The following ITGB4 variants were observed in gnomAD, a reference collection of about 807,000 sequenced individuals.
ITGB4 encodes integrin subunit beta 4.
In ITGB4, 159 loss-of-function variants were observed where a neutral mutation model predicts 207.6. That is an observed-to-expected ratio of 0.77 (90% CI 0.67 to 0.87). The LOEUF is 0.87. Ranked by LOEUF, ITGB4 falls within the 40% of genes least tolerant of loss-of-function variation. The pLI, the probability that ITGB4 is intolerant of heterozygous loss-of-function variation, is 0.00. For missense variants in ITGB4, 2,278 were observed against 2,546.8 expected (o/e 0.89, Z 2.27); for synonymous variants, 1,020 against 1,062.7 (o/e 0.96, Z 0.78).
In ITGB4 at chr17:75,727,239, G is replaced by T; in HGVS notation, c.124G>T (p.Val42Phe). ...CCCAGTGAAGAGCTGCACGGAGTGT[G>T]TCCGTGTGGATAAGGACTGCGCCTA... ...KAPVKSCTECVRVDKDCAYCT... is the reference protein window; with the variant it reads ...KAPVKSCTECFRVDKDCAYCT... The change falls in exon 3 of 40, where the codon GTC becomes TTC. Residue 42 changes from valine to phenylalanine, a missense_variant. Val to Phe is a conservative substitution (Grantham distance 50). Transcript: ENST00000200181. This position sits in a 1 kb window ranked among gnomAD's most constrained non-coding sequence, Gnocchi z 6.0. 1 of 1,614,092 alleles carries T rather than the reference G, an allele frequency of 6.2e-7. No individual in the cohort carries two copies. Among genetic ancestry groups the T allele is most frequent in the Non-Finnish European group, 8.5e-7 (1 of 1,180,002 alleles).
At chr17:75,733,048 G>A (rs926639157) in intron 12 of ITGB4, among the ~76,000 whole-genome samples, 1 of 151,644 alleles carries the variant, frequency 6.6e-6, no homozygotes, top group Non-Finnish European at 1.5e-5. Flanking sequence ...TCGCGCCACT[G>A]CACTCCAGCC....
In ITGB4 at chr17:75,729,213, T is replaced by G. The variant is rs1599223968; in HGVS notation, c.567-52T>G. 1 of 1,556,190 alleles carries G rather than the reference T, an allele frequency of 6.4e-7. No homozygotes were observed. Among genetic ancestry groups the G allele is most frequent in the Non-Finnish European group, 8.8e-7 (1 of 1,132,740 alleles). ...TTGAAACGAGCCAGGGGCACTGGGGTCTGCGGCGTCTTCCCCCTGTGACAC... is the reference window on the plus strand; with the variant it reads ...TTGAAACGAGCCAGGGGCACTGGGGGCTGCGGCGTCTTCCCCCTGTGACAC... On this transcript the variant is annotated intron_variant, in intron 6 of 39. Coordinates refer to ENST00000200181, the MANE Select transcript of ITGB4 (RefSeq NM_000213.5). The surrounding 1 kb of genome is among the most constrained non-coding windows in gnomAD (Gnocchi z 4.4).
At chr17:75,725,016 AAAG>A (rs1272006264) in intron 2 of ITGB4, among the ~76,000 whole-genome samples, 1 of 152,202 alleles carries the variant, frequency 6.6e-6, no homozygotes, top group Non-Finnish European at 1.5e-5. Flanking sequence ...TGTCTAGAGG[AAAG>A]AGGAGACACC....
chr17:75,737,332 G>T lies in ITGB4; in HGVS notation c.2001G>T (p.Val667=). ...TGGCTGTGGGTACAGCCGAGGAGGT[G>T]GTGGTGCGCTGCTCCTTCCGGGACG... is the stretch of plus-strand genomic sequence containing the variant. ...MVDELKRAEE[V]VVRCSFRDED... Residue 667 remains valine (V), a synonymous_variant, in exon 17 of 40, where the codon GTG becomes GTT. Transcript: ENST00000200181. 1 of 1,592,268 alleles carries T rather than the reference G, an allele frequency of 6.3e-7. No individual in the cohort carries two copies. The highest frequency in any genetic ancestry group is 2.3e-5 in the East Asian group (1 of 43,442).
In ITGB4 at chr17:75,757,319, T is replaced by C. The variant is rs2061540207; in HGVS notation, c.5329+9T>C. On this transcript the variant is annotated intron_variant, in intron 39 of 39. Transcript: ENST00000200181. ...CGAGCCCTTCCTAGTGGGTGAGCAC[T>C]GAGGGCTAGGGGATCCCGGCTCTCC... is the stretch of plus-strand genomic sequence containing the variant. 6.2e-7 allele frequency: 1 copy of C among 1,612,004 alleles called. No individual in the cohort carries two copies. The highest frequency in any genetic ancestry group is 1.1e-5 in the South Asian group (1 of 91,042).
chr17:75,757,541 T>G lies in ITGB4; in HGVS notation c.5455T>G (p.Phe1819Val), dbSNP rs2061549206. The G allele has an allele frequency of 1.9e-6, 3 of 1,613,166 alleles. No individual in the cohort carries two copies. Among genetic ancestry groups the G allele is most frequent in the Non-Finnish European group, 2.5e-6 (3 of 1,179,920 alleles). Residue 1819 changes from phenylalanine (F) to valine (V), a missense_variant, in exon 40 of 40, where the codon TTC (phenylalanine) becomes GTC (valine). By Grantham distance (50) the Phe-to-Val change is conservative (BLOSUM62 -1). Coordinates refer to ENST00000200181, the MANE Select transcript of ITGB4 (RefSeq NM_000213.5). ...CCTTAGCACCCACATGGACCAACAG[T>G]TCTTCCAAACTTGACCGCACCCTGC... ...GTLSTHMDQQ[F>V]FQT
chr17:75,732,168 A>G lies in ITGB4; in HGVS notation c.1383A>G (p.Lys461=). 1 of 1,614,076 alleles carries G rather than the reference A, an allele frequency of 6.2e-7. No individual in the cohort carries two copies. Among genetic ancestry groups the G allele is most frequent in the Non-Finnish European group, 8.5e-7 (1 of 1,180,014 alleles). Residue 461 remains lysine, a synonymous_variant, in exon 12 of 40, where the codon AAA becomes AAG. Transcript: ENST00000200181. The surrounding 1 kb of genome is among the most constrained non-coding windows in gnomAD (Gnocchi z 5.3). ...ICDVCTCELQ[K]EVRSARCSFN... The stretch of plus-strand genomic sequence containing the variant: ...CATGGTCTCTCTCATTCCAGCAAAA[A>G]GAGGTGCGGTCAGCTCGCTGCAGCT...
Position 75,735,977 on chromosome 17 carries a change from TC to T in ITGB4, c.1658-71del, listed in dbSNP as rs564844733. The T allele has an allele frequency of 1.2e-4, 163 of 1,414,720 alleles. 1 individual carries two copies. In the African/African-American group the frequency reaches 2.1e-3, roughly 19 times the overall value. 87.6% of individuals were successfully genotyped at this position (1,414,720 alleles called of 1,614,324 possible). On this transcript the variant is annotated intron_variant, in intron 13 of 39. Coordinates refer to ENST00000200181, the MANE Select transcript of ITGB4 (RefSeq NM_000213.5). ...CCCACAGCTCTGTTCCCACAGGCCC[TC>T]CCTGCCAGGTGGGCAGCCTGGACTA...
chr17:75,754,964 A>G, intron 34 of ITGB4, 149 bp downstream of exon 34: 4 of 1,524,046 alleles, frequency 2.6e-6, no homozygotes, highest in Non-Finnish European at 3.6e-6. Context: ...GTGCACACGC[A>G]TGCACACATG....
Position 75,727,916 on chromosome 17 carries a change from G to A in ITGB4, c.469+61G>A, listed in dbSNP as rs1418093266. The A allele has an allele frequency of 5.3e-6, 8 of 1,514,942 alleles. No individual in the cohort carries two copies. The highest frequency in any genetic ancestry group is 7.3e-6 in the Non-Finnish European group (8 of 1,096,470). The allele number at this position is 1,514,942 out of a possible 1,614,324, so 93.8% of individuals were successfully genotyped here. On this transcript the variant is annotated intron_variant, in intron 5 of 39. Coordinates refer to ENST00000200181, the MANE Select transcript of ITGB4 (RefSeq NM_000213.5). This position sits in a 1 kb window ranked among gnomAD's most constrained non-coding sequence, Gnocchi z 6.0. ...GAGGGGGACAGGTGGGCGTCTGCTT[G>A]GGAGGCCAGGACTCAGGACAGCTGC...
intron 18 of ITGB4, among the ~76,000 whole-genome samples, chr17:75,738,374 T>C (rs1026423442): frequency 6.6e-6 from 1 of 152,224 alleles, no homozygotes; most frequent in Non-Finnish European, 1.5e-5. Flanking sequence ...CGCCACAGCA[T>C]GTCCACGTGA....
At position 75,740,871 on chromosome 17, in the gene ITGB4, G is replaced by A. The variant is rs2061092721; in HGVS notation, c.2609+20G>A. The stretch of plus-strand genomic sequence containing the variant: ...GTTCCGGTGAGTCCCGGGGTGCCCG[G>A]GTTGGGTGGGGGAGCCGCTCCTACC... On this transcript the variant is annotated intron_variant, in intron 22 of 39. Coordinates refer to ENST00000200181, the MANE Select transcript of ITGB4 (RefSeq NM_000213.5). The surrounding 1 kb of genome is among the most constrained non-coding windows in gnomAD (Gnocchi z 5.9). 2 of 1,613,612 alleles carry A rather than the reference G, an allele frequency of 1.2e-6. No individual in the cohort carries two copies. The highest frequency in any genetic ancestry group is 4.5e-5 in the East Asian group (2 of 44,890).
At position 75,721,553 on chromosome 17, in the gene ITGB4, T is replaced by C. The variant is rs938151752; in HGVS notation, c.-70T>C. 6.9e-6 allele frequency: 1 copy of C among 145,042 alleles called. No individual in the cohort carries two copies. Among genetic ancestry groups the C allele is most frequent in the African/African-American group, 2.6e-5 (1 of 38,658 alleles). 9.0% of individuals were successfully genotyped at this position (145,042 alleles called of 1,614,324 possible). A position where few individuals can be genotyped will look rare whatever the true frequency, so the allele number is the denominator to read the frequency against. On this transcript the variant is annotated 5_prime_UTR_variant, in exon 1 of 40. Coordinates refer to ENST00000200181, the MANE Select transcript of ITGB4 (RefSeq NM_000213.5). ...GCAGCCCAGGCGCGGAGGGAGCGAG[T>C]CCGCCCCGAGGTAGGTCCAGGACGG... is the stretch of plus-strand genomic sequence containing the variant.
In ITGB4 at chr17:75,740,260, CCT is replaced by C. The variant is rs2061076226; in HGVS notation, c.2447-97_2447-96del. 2.3e-6 allele frequency: 3 copies of C among 1,301,914 alleles called. No homozygotes were observed. Among genetic ancestry groups the C allele is most frequent in the African/African-American group, 1.4e-5 (1 of 69,230 alleles). The allele number at this position is 1,301,914 out of a possible 1,614,324, so 80.6% of individuals were successfully genotyped here. A position where few individuals can be genotyped will look rare whatever the true frequency, so the allele number is the denominator to read the frequency against. On this transcript the variant is annotated intron_variant, in intron 20 of 39. Transcript: ENST00000200181. The surrounding 1 kb of genome is among the most constrained non-coding windows in gnomAD (Gnocchi z 5.9). ...TGCGTGGCCTGCTGGCCAGGCATCC[CCT>C]GATCCTAGCATGGTTGCTGGAGGGA...
chr17:75,740,013 C>A lies in ITGB4; in HGVS notation c.2388C>A (p.Asn796Lys). Reference sequence around the variant, plus strand: ...ACGTGGTCCGCTGGAAGGTCACCAACAACATGCAGCGGCCTGGCTTTGCCA... The same window carrying A: ...ACGTGGTCCGCTGGAAGGTCACCAAAAACATGCAGCGGCCTGGCTTTGCCA... ...GRDVVRWKVTNNMQRPGFATH... is the reference protein window; with the variant it reads ...GRDVVRWKVTKNMQRPGFATH... The change falls in exon 20 of 40, where the codon AAC (asparagine) becomes AAA (lysine). Residue 796 changes from asparagine (N) to lysine (K), a missense_variant. Transcript: ENST00000200181. The surrounding 1 kb of genome is among the most constrained non-coding windows in gnomAD (Gnocchi z 5.9). The A allele has an allele frequency of 1.2e-6, 2 of 1,613,162 alleles. No homozygotes were observed. Among genetic ancestry groups the A allele is most frequent in the Non-Finnish European group, 1.7e-6 (2 of 1,180,018 alleles).
chr17:75,740,075 A>G lies in ITGB4; in HGVS notation c.2446+4A>G, dbSNP rs1309502465. The G allele has an allele frequency of 5.6e-6, 9 of 1,609,706 alleles. No homozygotes were observed. In the South Asian group the frequency reaches 8.8e-5, roughly 16 times the overall value. On this transcript the variant is annotated splice_donor_region_variant and intron_variant, in intron 20 of 39. Transcript: ENST00000200181. The surrounding 1 kb of genome is among the most constrained non-coding windows in gnomAD (Gnocchi z 5.9). Reference sequence around the variant, plus strand: ...AGCATCAACCCCACAGAGCTGGGTGAGGGCGGGGCTGGGCGCCACAGCTCT... The same window carrying G: ...AGCATCAACCCCACAGAGCTGGGTGGGGGCGGGGCTGGGCGCCACAGCTCT...
At position 75,742,308 on chromosome 17, in the gene ITGB4, C is replaced by A; in HGVS notation, c.2634-33C>A. The A allele has an allele frequency of 6.2e-7, 1 of 1,612,950 alleles. No homozygotes were observed. ...AGGGCAGCAGGTGCCAGCCTGACCCCTCCGCTGCCTGAACCTTCCACCCTC... is the reference window on the plus strand; with the variant it reads ...AGGGCAGCAGGTGCCAGCCTGACCCATCCGCTGCCTGAACCTTCCACCCTC... On this transcript the variant is annotated intron_variant, in intron 23 of 39. Coordinates refer to ENST00000200181, the MANE Select transcript of ITGB4 (RefSeq NM_000213.5). This position sits in a 1 kb window ranked among gnomAD's most constrained non-coding sequence, Gnocchi z 5.9.
intron 13 of ITGB4, among the ~76,000 whole-genome samples, chr17:75,734,127 G>GTTTTTTTT (rs58249158): frequency 2.6e-5 from 2 of 76,094 alleles, no homozygotes; most frequent in African/African-American, 1.2e-4. Flanking sequence ...TGTTGCTGCT[G>GTTTTTTTT]TTTTTTTTTT....
intron 13 of ITGB4, among the ~76,000 whole-genome samples, chr17:75,734,423 G>T (rs1599243639): frequency 6.6e-6 from 1 of 151,936 alleles, no homozygotes; most frequent in Non-Finnish European, 1.5e-5. Flanking sequence ...TCACACCTGG[G>T]ATTACAGGTG....
Sources: gnomAD v4.1 joint callset for allele counts (sites outside exome capture counted in the v4.1 genomes callset) on GRCh38, gnomAD v4.1.1 for gene constraint, Gnocchi (gnomAD v3.1) non-coding constraint, MANE v1.5 for transcripts, NCBI Gene and HGNC (gene_info 2026-07-23, HGNC 2026-07-21) for gene names.